The following TRAPPC9 variants were observed in gnomAD, a reference collection of about 807,000 sequenced individuals.
TRAPPC9 encodes the protein trafficking protein particle complex subunit 9.
Under a neutral mutation model 124.0 loss-of-function variants are expected in TRAPPC9, and 83 were observed. That is an observed-to-expected ratio of 0.67 (90% confidence interval 0.56 to 0.80). The LOEUF (loss-of-function observed/expected upper bound fraction) is 0.80. Among genes scored for constraint, TRAPPC9 ranks in the 30% least tolerant of loss-of-function variants. The pLI is 0.00. For missense variants in TRAPPC9, 1,302 were observed against 1,508.3 expected (o/e 0.86, Z 2.27); for synonymous variants, 638 against 617.5 (o/e 1.03, Z -0.49).
intron 17 of TRAPPC9, among the ~76,000 whole-genome samples, chr8:140,076,658 C>T (rs1044587047): frequency 6.6e-6 from 1 of 152,162 alleles, no homozygotes; most frequent in African/African-American, 2.4e-5. Context: ...GGTCTGAATA[C>T]GATCACGAAG....
rs1246772621 is a variant in TRAPPC9, at chr8:140,252,417, C to G, written c.2431+360G>C. On this transcript the variant is annotated intron_variant, in intron 16 of 22. Coordinates refer to ENST00000438773, the MANE Select transcript of TRAPPC9 (RefSeq NM_001160372.4). This position sits in a 1 kb window ranked among gnomAD's most constrained non-coding sequence, Gnocchi z 4.2. ...CACTCCACCTCCTTATAGATATCAT[C>G]AGACTTTGAAGGAAAACTTTATCAT... Among the ~76,000 whole-genome samples the G allele has an allele frequency of 1.3e-5, 2 of 152,190 alleles. No homozygotes were observed. Among genetic ancestry groups the G allele is most frequent in the East Asian group, 1.9e-4 (1 of 5,196 alleles).
intron 8 of TRAPPC9, among the ~76,000 whole-genome samples, chr8:140,366,703 C>G (rs1235316368): frequency 6.6e-6 from 1 of 152,012 alleles, no homozygotes; most frequent in Non-Finnish European, 1.5e-5. Context: ...AAGGTATAAC[C>G]CATCAAAGAA....
chr8:139,866,838 G>T (rs1828575218), intron 21 of TRAPPC9, among the ~76,000 whole-genome samples: 1 of 152,178 alleles, frequency 6.6e-6, no homozygotes, highest in Non-Finnish European at 1.5e-5. Context: ...GAGAATGCTT[G>T]GGAACAGCAA....
At chr8:140,215,421 T>A (rs994730837) in intron 17 of TRAPPC9, among the ~76,000 whole-genome samples, 1 of 151,974 alleles carries the variant, frequency 6.6e-6, no homozygotes, top group Non-Finnish European at 1.5e-5. Context: ...GGCAGGTGGA[T>A]TGCCTGAGCT....
At chr8:139,912,774 C>T (rs1284270887) in intron 19 of TRAPPC9, among the ~76,000 whole-genome samples, 1 of 152,234 alleles carries the variant, frequency 6.6e-6, no homozygotes, top group Non-Finnish European at 1.5e-5. Flanking sequence ...AGCTTACTAA[C>T]CATGTCTCTT....
At chr8:139,802,228 C>A (rs937203600) in intron 21 of TRAPPC9, among the ~76,000 whole-genome samples, 2 of 152,222 alleles carry the variant, frequency 1.3e-5, no homozygotes, top group Non-Finnish European at 2.9e-5. Context: ...GGAGTGAAGA[C>A]TGCCCACCTG....
At chr8:140,338,045 C>A (rs773099911) in intron 9 of TRAPPC9, among the ~76,000 whole-genome samples, 4 of 152,124 alleles carry the variant, frequency 2.6e-5, no homozygotes, top group Non-Finnish European at 5.9e-5. Context: ...AAGGAATATG[C>A]CATTTCTTCC....
At chr8:139,849,452 C>A (rs1284411166) in intron 21 of TRAPPC9, among the ~76,000 whole-genome samples, 5 of 152,258 alleles carry the variant, frequency 3.3e-5, no homozygotes, top group African/African-American at 1.2e-4. Flanking sequence ...GCTCCCTCTC[C>A]TCTCCTTCTG....
At chr8:140,458,492 G>T (rs749255728), upstream of TRAPPC9, 2 of 1,576,928 alleles carry the variant, frequency 1.3e-6, no homozygotes, top group Admixed American at 3.6e-5. Flanking sequence ...CGGGAGGCAC[G>T]TGAGGTGCGA....
intron 21 of TRAPPC9, among the ~76,000 whole-genome samples, chr8:139,847,308 T>A (rs1429653529): frequency 1.3e-5 from 2 of 151,958 alleles, no homozygotes; most frequent in Non-Finnish European, 2.9e-5. Context: ...AACTGTGAGG[T>A]GAAAAACAAA....
At chr8:140,352,186 G>A (rs1457655557) in intron 9 of TRAPPC9, among the ~76,000 whole-genome samples, 1 of 152,230 alleles carries the variant, frequency 6.6e-6, no homozygotes, top group Non-Finnish European at 1.5e-5. Context: ...CCACACCACA[G>A]CAGGGATGAG....
intron 21 of TRAPPC9, among the ~76,000 whole-genome samples, chr8:139,782,461 T>C (rs1181759233): frequency 6.6e-6 from 1 of 152,236 alleles, no homozygotes; most frequent in East Asian, 1.9e-4. Context: ...CAATTGATAT[T>C]ATAAAGTTAT....
At chr8:139,876,570 CAG>C (rs1006430866) in intron 21 of TRAPPC9, among the ~76,000 whole-genome samples, 12 of 152,222 alleles carry the variant, frequency 7.9e-5, no homozygotes, top group African/African-American at 2.7e-4. Flanking sequence ...CCTCATCTGA[CAG>C]AGAGTGGCTC....
intron 17 of TRAPPC9, among the ~76,000 whole-genome samples, chr8:140,175,378 C>A (rs2062044642): frequency 6.6e-6 from 1 of 151,808 alleles, no homozygotes; most frequent in Admixed American, 6.6e-5. Flanking sequence ...AGTTTCCAGG[C>A]TTCTACCACA....
At chr8:140,344,633 C>T (rs2067285161) in intron 9 of TRAPPC9, among the ~76,000 whole-genome samples, 1 of 152,204 alleles carries the variant, frequency 6.6e-6, no homozygotes, top group Admixed American at 6.5e-5. Flanking sequence ...GGAAGCTGTT[C>T]ATGCAGAAAA....
intron 19 of TRAPPC9, among the ~76,000 whole-genome samples, chr8:139,951,647 G>A (rs148149722): frequency 3.1e-4 from 47 of 152,338 alleles, no homozygotes; most frequent in African/African-American, 9.9e-4. Context: ...TGCAGAGTTA[G>A]AGGCTGGGAG....
chr8:139,791,759 G>T (rs953533558), intron 21 of TRAPPC9, among the ~76,000 whole-genome samples: 1 of 152,226 alleles, frequency 6.6e-6, no homozygotes, highest in Non-Finnish European at 1.5e-5. Flanking sequence ...CTCTGTCCTC[G>T]CCCAGCTGGG....
At chr8:139,910,965 T>C (rs1355238907) in intron 19 of TRAPPC9, among the ~76,000 whole-genome samples, 1 of 152,160 alleles carries the variant, frequency 6.6e-6, no homozygotes, top group Admixed American at 6.5e-5. Context: ...AGTTAAGACT[T>C]TGGGAGACCG....
At chr8:140,141,870 GC>G (rs2061387110) in intron 17 of TRAPPC9, among the ~76,000 whole-genome samples, 1 of 152,182 alleles carries the variant, frequency 6.6e-6, no homozygotes, top group African/African-American at 2.4e-5. Flanking sequence ...TAGTAGTGCT[GC>G]CCACTCATTT....
Sources: gnomAD v4.1 joint callset for allele counts (sites outside exome capture counted in the v4.1 genomes callset) on GRCh38, gnomAD v4.1.1 for gene constraint, Gnocchi (gnomAD v3.1) non-coding constraint, MANE v1.5 for transcripts, NCBI Gene and HGNC (gene_info 2026-07-23, HGNC 2026-07-21) for gene names.